The following CTC1 variants were observed in gnomAD, a reference collection of about 807,000 sequenced individuals.
CTC1 encodes the protein CST complex subunit CTC1.
A neutral mutation model predicts 136.3 loss-of-function variants in CTC1; 91 were observed. The observed-to-expected ratio is 0.67, with a 90% CI of 0.56 to 0.79. The LOEUF (loss-of-function observed/expected upper bound fraction) is 0.79, where lower values mean the gene tolerates loss of function less well. CTC1 is among the 30% of genes least tolerant of loss of function. CTC1 has a pLI of 0.00. For synonymous variants in CTC1, 606 were observed against 613.8 expected (o/e 0.99, Z 0.19); for missense variants, 1,432 against 1,498.1 (o/e 0.96, Z 0.73).
chr17:8,234,556 G>C lies in CTC1; in HGVS notation c.1717C>G (p.Leu573Val). The change falls in exon 10 of 23, where the codon CTG becomes GTG. Residue 573 changes from leucine to valine, a missense_variant. Transcript: ENST00000651323. ...AWASFDPKAL[L>V]PLPEASYLPS... ...AGGTAGGAGGCCTCCGGGAGGGGCA[G>C]AAGGGCCTTAGGGTCAAAGGAGGCC... is the stretch of plus-strand genomic sequence containing the variant. The C allele has an allele frequency of 3.1e-6, 5 of 1,588,984 alleles. No homozygotes were observed. The highest frequency in any genetic ancestry group is 4.3e-6 in the Non-Finnish European group (5 of 1,167,274).
chr17:8,236,668 A>G (rs2151525315), intron 5 of CTC1, among the ~76,000 whole-genome samples: 1 of 152,330 alleles, frequency 6.6e-6, no homozygotes, highest in East Asian at 1.9e-4. Flanking sequence ...AAGTGTATTG[A>G]GTATATATGT....
chr17:8,236,346 G>T lies in CTC1; in HGVS notation c.793-4C>A. The T allele has an allele frequency of 1.9e-6, 3 of 1,602,286 alleles. No homozygotes were observed. The highest frequency in any genetic ancestry group is 2.5e-6 in the Non-Finnish European group (3 of 1,178,328). On this transcript the variant is annotated splice_polypyrimidine_tract_variant and splice_region_variant and intron_variant, in intron 5 of 22. Transcript: ENST00000651323. ...GCCACACCAGCTGGGCAGGGACCTG[G>T]CTTGTGCAGAGACAGGCAATGTGAC...
In CTC1 at chr17:8,235,144, C is replaced by G. The variant is rs778433916; in HGVS notation, c.1348G>C (p.Ala450Pro). 8.7e-6 allele frequency: 14 copies of G among 1,614,124 alleles called. No homozygotes were observed. The change falls in exon 8 of 23, where the codon GCC becomes CCC. Residue 450 changes from alanine (A) to proline (P), a missense_variant. Transcript: ENST00000651323. The part of the protein sequence containing the change: ...GAHSSRQAYG[A>P]SLYEQLVWER... ...CACACCAGCTGCTCGTACAGGGAGG[C>G]CCCGTAGGCTTGACGGGATGAGTGA... is the stretch of plus-strand genomic sequence containing the variant.
At chr17:8,229,052 A>T in intron 20 of CTC1, 90 bp downstream of exon 20, 1 of 1,497,046 alleles carries the variant, frequency 6.7e-7, no homozygotes, top group South Asian at 1.2e-5. Context: ...AATTCTCATG[A>T]GCCAGGAATT....
At chr17:8,242,551 A>T (rs56280379) in intron 2 of CTC1, among the ~76,000 whole-genome samples, 2,913 of 44,226 alleles carry the variant, frequency 0.066, 37 homozygotes, top group African/African-American at 0.14. Flanking sequence ...AAAAAAAAAA[A>T]AAATATATAT....
In CTC1 at chr17:8,238,639, G is replaced by A. The variant is rs764516700; in HGVS notation, c.198-10C>T. 1.4e-5 allele frequency: 22 copies of A among 1,575,126 alleles called. No homozygotes were observed. Among genetic ancestry groups the A allele is most frequent in the South Asian group, 8.2e-5 (7 of 85,300 alleles). On this transcript the variant is annotated splice_polypyrimidine_tract_variant and intron_variant, in intron 2 of 22. Coordinates refer to ENST00000651323, the MANE Select transcript of CTC1 (RefSeq NM_025099.6). The stretch of plus-strand genomic sequence containing the variant: ...CTGTACTGAGACGAAGCTGTAGAGT[G>A]AAGGGAACAGAGGTCCTGCAAAGCC...
intron 15 of CTC1, chr17:8,231,020 A>G (rs1597376574): frequency 4.0e-6 from 2 of 495,512 alleles, no homozygotes; most frequent in East Asian, 6.5e-5. Context: ...GCACCCCTAT[A>G]ATCCCAGCTA....
rs745378690 is a variant in CTC1, at chr17:8,238,471, T to A, written c.356A>T (p.Asp119Val). 6.2e-7 allele frequency: 1 copy of A among 1,614,126 alleles called. No homozygotes were observed. Among genetic ancestry groups the A allele is most frequent in the Non-Finnish European group, 8.5e-7 (1 of 1,180,018 alleles). ...CTCTTGTTCCAAGTCTGCCGATAGG[T>A]CTGTTAGTGTCCCTAAAAGTAACAG... ...EQLLLLGTLT[D>V]LSADLEQECR... The change falls in exon 3 of 23, where the codon GAC becomes GTC. Residue 119 changes from aspartate to valine, a missense_variant. Asp to Val is a radical substitution (Grantham distance 152, BLOSUM62 -3). Coordinates refer to ENST00000651323, the MANE Select transcript of CTC1 (RefSeq NM_025099.6).
intron 1 of CTC1, among the ~76,000 whole-genome samples, chr17:8,244,534 T>C (rs917002528): frequency 4.6e-5 from 7 of 152,186 alleles, no homozygotes; most frequent in South Asian, 2.1e-4. Context: ...TTCCTCTTTT[T>C]TTTTTTTTGG....
intron 15 of CTC1, chr17:8,230,895 G>T (rs958007011): frequency 9.4e-6 from 5 of 529,642 alleles, no homozygotes; most frequent in Admixed American, 3.3e-5. Context: ...CCAGCACTTT[G>T]GGAGGCTGAG....
At chr17:8,242,546 A>AT (rs1988334369) in intron 2 of CTC1, among the ~76,000 whole-genome samples, 1 of 91,714 alleles carries the variant, frequency 1.1e-5, no homozygotes, top group African/African-American at 3.6e-5. Flanking sequence ...AAAAAAAAAA[A>AT]AAAAAAAATA....
Position 8,232,057 on chromosome 17 carries a change from C to A in CTC1, c.2231G>T (p.Arg744Leu). Reference protein sequence around the residue: ...LLCHKEALMKRNFCVPPGASP... With the variant: ...LLCHKEALMKLNFCVPPGASP... ...TGCTCCTGGGGGGACACAAAAATTA[C>A]GCTTCATGAGGGCCTCCTTGTGGCA... Residue 744 changes from arginine (R) to leucine (L), a missense_variant, in exon 13 of 23, where the codon CGT (arginine) becomes CTT (leucine). Coordinates refer to ENST00000651323, the MANE Select transcript of CTC1 (RefSeq NM_025099.6). The A allele has an allele frequency of 6.4e-7, 1 of 1,569,742 alleles. No homozygotes were observed. Among genetic ancestry groups the A allele is most frequent in the Non-Finnish European group, 8.6e-7 (1 of 1,162,676 alleles).
Position 8,226,004 on chromosome 17 carries a change from G to C in CTC1, c.*2176C>G, listed in dbSNP as rs1268209994. The C allele has an allele frequency of 6.6e-6, 1 of 152,078 alleles. No homozygotes were observed. The highest frequency in any genetic ancestry group is 1.9e-4 in the East Asian group (1 of 5,194). 9.4% of individuals were successfully genotyped at this position (152,078 alleles called of 1,614,324 possible). A position where few individuals can be genotyped will look rare whatever the true frequency, so the allele number is the denominator to read the frequency against. ...CGCCTGACCCAGTCCACCTGCACCA[G>C]TGGGGTGTGGCATCAGTTAAGCAAA... On this transcript the variant is annotated 3_prime_UTR_variant, in exon 23 of 23. Transcript: ENST00000651323.
At chr17:8,232,577 C>T (rs1289693164) in intron 11 of CTC1, 102 bp from the exon 12 acceptor site, 7 of 910,034 alleles carry the variant, frequency 7.7e-6, no homozygotes. Context: ...CAGGCCAGAG[C>T]TGCTGCCCTC....
In CTC1 at chr17:8,228,266, C is replaced by T. The variant is rs371036203; in HGVS notation, c.3568G>A (p.Val1190Met). Residue 1190 changes from valine (V) to methionine (M), a missense_variant, in exon 23 of 23, where the codon GTG (valine) becomes ATG (methionine). Val to Met is a conservative substitution (Grantham distance 21). Coordinates refer to ENST00000651323, the MANE Select transcript of CTC1 (RefSeq NM_025099.6). The part of the protein sequence containing the change: ...QCGELPFLTH[V>M]NPRLRLSCLS... ...CAGGACAATCGGAGCCTGGGGTTCA[C>T]GTGAGTCAGGAAAGGGAGCTCTCCA... 101 of 1,614,016 alleles carry T rather than the reference C, an allele frequency of 6.3e-5. No homozygotes were observed. The African/African-American group carries it at 8.7e-4, about 14-fold the overall frequency.
rs755429023 is a variant in CTC1 at position 8,234,899 on chromosome 17, G to A, written c.1467C>T (p.His489=). Residue 489 remains histidine (H), a synonymous_variant, in exon 9 of 23, where the codon CAC becomes CAT. Coordinates refer to ENST00000651323, the MANE Select transcript of CTC1 (RefSeq NM_025099.6). ...CAGGAGAGGAATGTTGCAGGAACTG[G>A]TGGTGTCTCAGCACATGGGGACACA... is the stretch of plus-strand genomic sequence containing the variant. ...CKLCPHVLRH[H]QFLQHSSPGS... The A allele has an allele frequency of 3.7e-6, 6 of 1,607,882 alleles. No individual in the cohort carries two copies. Among genetic ancestry groups the A allele is most frequent in the Non-Finnish European group, 5.1e-6 (6 of 1,176,822 alleles).
Position 8,230,567 on chromosome 17 carries a change from T to C in CTC1, c.2754A>G (p.Lys918=). 2 of 1,614,016 alleles carry C rather than the reference T, an allele frequency of 1.2e-6. No homozygotes were observed. The highest frequency in any genetic ancestry group is 1.7e-5 in the Admixed American group (1 of 60,012). ...CEPLVASLWM[K]LGNTGAMRRC... is the part of the protein sequence containing the mutation. Reference sequence around the variant, plus strand: ...CCACAAAGGAAGGGTCATTACCCAGTTTCATCCAGAGAGACGCCACAAGGG... The same window carrying C: ...CCACAAAGGAAGGGTCATTACCCAGCTTCATCCAGAGAGACGCCACAAGGG... The change falls in exon 16 of 23, where the codon AAA becomes AAG. Residue 918 remains lysine (K), a synonymous_variant. Transcript: ENST00000651323.
chr17:8,234,443 G>A lies in CTC1; in HGVS notation c.1818+12C>T, dbSNP rs567048481. The A allele has an allele frequency of 1.3e-6, 2 of 1,551,398 alleles. No individual in the cohort carries two copies. Among genetic ancestry groups the A allele is most frequent in the Non-Finnish European group, 1.7e-6 (2 of 1,146,716 alleles). Reference sequence around the variant, plus strand: ...AGGGAAATCACCTGAGCCCTGCTAGGGTCCCCCTTACCTGGGCTGGGCAGA... The same window carrying A: ...AGGGAAATCACCTGAGCCCTGCTAGAGTCCCCCTTACCTGGGCTGGGCAGA... On this transcript the variant is annotated intron_variant, in intron 10 of 22. Coordinates refer to ENST00000651323, the MANE Select transcript of CTC1 (RefSeq NM_025099.6).
chr17:8,229,565 T>C, intron 18 of CTC1, 119 bp from the exon 19 acceptor site: 2 of 804,292 alleles, frequency 2.5e-6, no homozygotes, highest in Non-Finnish European at 4.0e-6. Flanking sequence ...CAGCAGTGGG[T>C]TCCATGCGCT....
Sources: gnomAD v4.1 joint callset for allele counts (sites outside exome capture counted in the v4.1 genomes callset) on GRCh38, gnomAD v4.1.1 for gene constraint, MANE v1.5 for transcripts, NCBI Gene and HGNC (gene_info 2026-07-23, HGNC 2026-07-21) for gene names.